CYP1B1: variants seen among roughly 807,000 people sequenced by gnomAD.
The protein encoded by CYP1B1 is cytochrome P450 1B1.
A neutral mutation model predicts 29.9 loss-of-function variants in CYP1B1; 22 were observed. That is an observed-to-expected ratio of 0.74 (90% CI 0.53 to 1.05). The LOEUF (loss-of-function observed/expected upper bound fraction) is 1.05, where lower values mean the gene tolerates loss of function less well. Ranked by LOEUF, CYP1B1 falls within the 50% of genes least tolerant of loss-of-function variation. The pLI is 0.00. For synonymous variants in CYP1B1, 375 were observed against 320.0 expected, an observed-to-expected ratio of 1.17 and a Z score of -1.83; for missense variants, 883 against 746.9, an observed-to-expected ratio of 1.18 and a Z score of -2.12.
rs1682531951 is a variant in CYP1B1 at position 38,075,961 on chromosome 2, A to G, written c.-183T>C. ...CGTCGTCAGTGCCAGGAGCGCTTGG[A>G]TTGGGATGGGGACGGAGAAGGGTGC... On this transcript the variant is annotated 5_prime_UTR_variant, in exon 1 of 3. Coordinates refer to ENST00000610745, the MANE Select transcript of CYP1B1 (RefSeq NM_000104.4). 6.3e-6 allele frequency: 1 copy of G among 157,836 alleles called. No individual in the cohort carries two copies. Among genetic ancestry groups the G allele is most frequent in the Non-Finnish European group, 1.4e-5 (1 of 71,148 alleles). The allele number at this position is 157,836 out of a possible 1,614,324, so 9.8% of individuals were successfully genotyped here. A position where few individuals can be genotyped will look rare whatever the true frequency, so the allele number is the denominator to read the frequency against.
intron 2 of CYP1B1, chr2:38,073,999 G>T: frequency 2.5e-6 from 1 of 397,200 alleles, no homozygotes; most frequent in Non-Finnish European, 4.6e-6. Context: ...TGATTGTAAT[G>T]CGCCAGGGAG....
intron 2 of CYP1B1, chr2:38,074,014 A>C: frequency 4.6e-6 from 2 of 432,720 alleles, no homozygotes; most frequent in East Asian, 4.3e-5. Context: ...AGGGAGAGAG[A>C]TATCAGGGCT....
chr2:38,070,033 G>T lies in CYP1B1; in HGVS notation c.*689C>A, dbSNP rs1183474328. 2 of 204,182 alleles carry T rather than the reference G, an allele frequency of 9.8e-6. No homozygotes were observed. The highest frequency in any genetic ancestry group is 2.0e-5 in the Non-Finnish European group (2 of 99,770). The allele number at this position is 204,182 out of a possible 1,614,324, so 12.6% of individuals were successfully genotyped here. On this transcript the variant is annotated 3_prime_UTR_variant, in exon 3 of 3. Transcript: ENST00000610745. ...ACTTTAAAATTCATGATAACTCATG[G>T]AACCCCACTATACTCACTAATTCAA...
chr2:38,068,085 T>G lies in CYP1B1; in HGVS notation c.*2637A>C, dbSNP rs1228357193. On this transcript the variant is annotated 3_prime_UTR_variant, in exon 3 of 3. Coordinates refer to ENST00000610745, the MANE Select transcript of CYP1B1 (RefSeq NM_000104.4). ...GCAATTTGCTTATAGAGTCAAAGCT[T>G]TGACATACAAATGAAGCATTTAATA... is the stretch of plus-strand genomic sequence containing the variant. 1 of 203,390 alleles carries G rather than the reference T, an allele frequency of 4.9e-6. No individual in the cohort carries two copies. 12.6% of individuals were successfully genotyped at this position (203,390 alleles called of 1,614,324 possible).
At position 38,074,745 on chromosome 2, in the gene CYP1B1, C is replaced by G. The variant is rs72549384; in HGVS notation, c.644G>C (p.Ser215Thr). The G allele has an allele frequency of 8.1e-6, 13 of 1,604,382 alleles. No homozygotes were observed. In the Admixed American group the frequency reaches 2.2e-4, roughly 27 times the overall value. The change falls in exon 2 of 3, where the codon AGC becomes ACC. Residue 215 changes from serine to threonine, a missense_variant. By Grantham distance (58) the Ser-to-Thr change is moderately conservative. Coordinates refer to ENST00000610745, the MANE Select transcript of CYP1B1 (RefSeq NM_000104.4). ...CTCACGGAACTCGGGGTCGTCGTGG[C>G]TGTAGCGGCAGCCGAAACACACGGC... ...MSAVCFGCRY[S>T]HDDPEFRELL...
rs1183344859 is a variant in CYP1B1, at chr2:38,074,493, G to C, written c.896C>G (p.Ser299Cys). 11 of 1,611,992 alleles carry C rather than the reference G, an allele frequency of 6.8e-6. No individual in the cohort carries two copies. The highest frequency in any genetic ancestry group is 1.1e-5 in the South Asian group (1 of 90,742). Residue 299 changes from serine to cysteine, a missense_variant, in exon 2 of 3, where the codon TCT becomes TGT. Coordinates refer to ENST00000610745, the MANE Select transcript of CYP1B1 (RefSeq NM_000104.4). Reference protein sequence around the residue: ...PRDMMDAFILSAEKKAAGDSH... With the variant: ...PRDMMDAFILCAEKKAAGDSH... ...GTCCCCGGCCGCCTTCTTTTCCGCA[G>C]AGAGGATAAAGGCGTCCATCATGTC...
chr2:38,072,102 A>G (rs538644544), intron 2 of CYP1B1, among the ~76,000 whole-genome samples: 1 of 152,380 alleles, frequency 6.6e-6, no homozygotes, highest in Non-Finnish European at 1.5e-5. Context: ...AAATCTTAAT[A>G]CGAGGCAAGA....
rs1682528863 is a variant in CYP1B1 at position 38,075,833 on chromosome 2, C to CTGGG, written c.-59_-56dup. 3 of 236,772 alleles carry CTGGG rather than the reference C, an allele frequency of 1.3e-5. No homozygotes were observed. The highest frequency in any genetic ancestry group is 2.5e-5 in the Non-Finnish European group (3 of 119,472). The allele number at this position is 236,772 out of a possible 1,614,324, so 14.7% of individuals were successfully genotyped here. ...CGGGACAGCCGGCTCCGAGAAGGAA[C>CTGGG]TGGGACCTTTGCCTAGGGCAAGACG... On this transcript the variant is annotated 5_prime_UTR_variant, in exon 1 of 3. Transcript: ENST00000610745.
Position 38,074,913 on chromosome 2 carries a change from T to C in CYP1B1, c.476A>G (p.Gln159Arg). 1 of 1,556,284 alleles carries C rather than the reference T, an allele frequency of 6.4e-7. No individual in the cohort carries two copies. Among genetic ancestry groups the C allele is most frequent in the Non-Finnish European group, 8.6e-7 (1 of 1,156,076 alleles). Residue 159 changes from glutamine to arginine, a missense_variant, in exon 2 of 3, where the codon CAG becomes CGG. Transcript: ENST00000610745. ...HSMMRNFFTRQPRSRQVLEGH... is the reference protein window; with the variant it reads ...HSMMRNFFTRRPRSRQVLEGH... ...CTCGAGGACTTGGCGGCTGCGCGGC[T>C]GGCGCGTGAAGAAGTTGCGCATCAT...
chr2:38,074,246 C>A, intron 2 of CYP1B1, 100 bp downstream of exon 2: 4 of 1,372,290 alleles, frequency 2.9e-6, no homozygotes, highest in Non-Finnish European at 4.0e-6. Flanking sequence ...GGAGCGAAAC[C>A]CCAAACCCGG....
In CYP1B1 at chr2:38,074,477, C is replaced by A. The variant is rs778110979; in HGVS notation, c.912G>T (p.Ala304=). 1.2e-6 allele frequency: 2 copies of A among 1,612,524 alleles called. No individual in the cohort carries two copies. Among genetic ancestry groups the A allele is most frequent in the Admixed American group, 1.7e-5 (1 of 59,814 alleles). The part of the protein sequence containing the change: ...DAFILSAEKK[A]AGDSHGGGAR... ...CGCCACCACCGTGCGAGTCCCCGGC[C>A]GCCTTCTTTTCCGCAGAGAGGATAA... Residue 304 remains alanine, a synonymous_variant, in exon 2 of 3, where the codon GCG becomes GCT. Coordinates refer to ENST00000610745, the MANE Select transcript of CYP1B1 (RefSeq NM_000104.4).
Position 38,072,878 on chromosome 2 carries a change from T to TA in CYP1B1, c.1043+1467dup, listed in dbSNP as rs549612947. 2.3e-3 allele frequency among the ~76,000 whole-genome samples: 309 copies of TA among 136,456 alleles called. 6 individuals are homozygous for TA. The highest frequency in any genetic ancestry group is 7.9e-3 in the African/African-American group (270 of 34,110). The allele number at this position is 136,456 out of a possible 152,430, so 89.5% of individuals were successfully genotyped here. ...TCGTGTAATTTGCCAAGCCCTGTCA[T>TA]ACGTCTTTTCACTAAAAAGGAAAAA... On this transcript the variant is annotated intron_variant, in intron 2 of 2. Transcript: ENST00000610745.
Position 38,071,122 on chromosome 2 carries a change from C to T in CYP1B1, c.1232G>A (p.Gly411Asp). The T allele has an allele frequency of 1.9e-6, 3 of 1,613,574 alleles. No homozygotes were observed. The highest frequency in any genetic ancestry group is 2.5e-6 in the Non-Finnish European group (3 of 1,179,530). Residue 411 changes from glycine to aspartate, a missense_variant, in exon 3 of 3, where the codon GGC (glycine) becomes GAC (aspartate). Physicochemically the swap from Gly to Asp is moderately conservative, Grantham distance 94 (BLOSUM62 -1). Transcript: ENST00000610745. ...CACAGTGTCCTTGGGAATGTGGTAG[C>T]CCAAGACAGAGGTGTTGGCAGTGGT... The part of the protein sequence containing the change: ...HATTANTSVL[G>D]YHIPKDTVVF...
At position 38,075,071 on chromosome 2, in the gene CYP1B1, G is replaced by C. The variant is rs1406861255; in HGVS notation, c.318C>G (p.Ala106=). The change falls in exon 2 of 3, where the codon GCC becomes GCG. Residue 106 remains alanine, a synonymous_variant. Transcript: ENST00000610745. The part of the protein sequence containing the change: ...VLNGERAIHQ[A]LVQQGSAFAD... The stretch of plus-strand genomic sequence containing the variant: ...CGAAGGCCGAGCCCTGCTGCACCAG[G>C]GCCTGGTGGATGGCGCGCTCGCCAT... The C allele has an allele frequency of 6.3e-7, 1 of 1,583,946 alleles. No homozygotes were observed. The highest frequency in any genetic ancestry group is 1.1e-5 in the South Asian group (1 of 88,992).
At position 38,070,569 on chromosome 2, in the gene CYP1B1, T is replaced by C. The variant is rs1027778402; in HGVS notation, c.*153A>G. 5.5e-6 allele frequency: 4 copies of C among 722,124 alleles called. No homozygotes were observed. The highest frequency in any genetic ancestry group is 5.2e-5 in the South Asian group (3 of 57,798). The allele number at this position is 722,124 out of a possible 1,614,324, so 44.7% of individuals were successfully genotyped here. A position where few individuals can be genotyped will look rare whatever the true frequency, so the allele number is the denominator to read the frequency against. ...ACTACTCATGAAGAACCGCTGGGTA[T>C]GGAGCACACCTCACCTGATGGACAG... On this transcript the variant is annotated 3_prime_UTR_variant, in exon 3 of 3. Coordinates refer to ENST00000610745, the MANE Select transcript of CYP1B1 (RefSeq NM_000104.4).
At position 38,075,337 on chromosome 2, in the gene CYP1B1, T is replaced by G. The variant is rs756534145; in HGVS notation, c.52A>C (p.Ile18Leu). 3.1e-6 allele frequency: 5 copies of G among 1,613,196 alleles called. No homozygotes were observed. Among genetic ancestry groups the G allele is most frequent in the South Asian group, 1.1e-5 (1 of 90,894 alleles). Residue 18 changes from isoleucine (I) to leucine (L), a missense_variant, in exon 2 of 3, where the codon ATC (isoleucine) becomes CTC (leucine). By Grantham distance (5) the Ile-to-Leu change is conservative. Transcript: ENST00000610745. ...NDPWPLNPLS[I>L]QQTTLLLLLS... ...AGTAGCAGGAGCGTGGTCTGCTGGA[T>G]GGACAGCGGGTTTAGCGGCCAAGGG...
At position 38,075,970 on chromosome 2, in the gene CYP1B1, G is replaced by C. The variant is rs987022211; in HGVS notation, c.-192C>G. On this transcript the variant is annotated 5_prime_UTR_variant, in exon 1 of 3. Transcript: ENST00000610745. ...TGCCAGGAGCGCTTGGATTGGGATG[G>C]GGACGGAGAAGGGTGCCTCGCTCGC... The C allele has an allele frequency of 6.3e-6, 1 of 158,150 alleles. No homozygotes were observed. Among genetic ancestry groups the C allele is most frequent in the Admixed American group, 5.9e-5 (1 of 16,846 alleles). 9.8% of individuals were successfully genotyped at this position (158,150 alleles called of 1,614,324 possible).
Position 38,075,255 on chromosome 2 carries a change from C to G in CYP1B1, c.134G>C (p.Arg45Pro). Residue 45 changes from arginine (R) to proline (P), a missense_variant, in exon 2 of 3, where the codon CGG becomes CCG. Transcript: ENST00000610745. ...VGQRLLRQRR[R>P]QLRSAPPGPF... ...GCCCGGGGGCGCGGACCGGAGCTGC[C>G]GCCTCCGTTGCCTCAGCAGCCGCTG... The G allele has an allele frequency of 1.9e-6, 3 of 1,599,648 alleles. No homozygotes were observed. The highest frequency in any genetic ancestry group is 1.7e-6 in the Non-Finnish European group (2 of 1,176,412).
In CYP1B1 at chr2:38,070,296, A is replaced by G. The variant is rs1682400913; in HGVS notation, c.*426T>C. 1 of 265,606 alleles carries G rather than the reference A, an allele frequency of 3.8e-6. No individual in the cohort carries two copies. The highest frequency in any genetic ancestry group is 2.2e-5 in the African/African-American group (1 of 45,928). The allele number at this position is 265,606 out of a possible 1,614,324, so 16.5% of individuals were successfully genotyped here. On this transcript the variant is annotated 3_prime_UTR_variant, in exon 3 of 3. Transcript: ENST00000610745. ...AATATACTCTGAAACTTTGTTTAAT[A>G]TACTTTTTGTCTATTTCTGCATATG...
Sources: gnomAD v4.1 joint callset for allele counts (sites outside exome capture counted in the v4.1 genomes callset) on GRCh38, gnomAD v4.1.1 for gene constraint, MANE v1.5 for transcripts, NCBI Gene and HGNC (gene_info 2026-07-23, HGNC 2026-07-21) for gene names.